CNTFR: variants seen among roughly 807,000 people sequenced by gnomAD.
CNTFR encodes the protein ciliary neurotrophic factor receptor, also known as ciliary neurotrophic factor receptor subunit alpha.
CNTFR carries 12 observed loss-of-function variants against 40.4 expected under a neutral mutation model. The observed-to-expected ratio is 0.30, with a 90% confidence interval of 0.19 to 0.48. CNTFR has a LOEUF of 0.48. Among genes scored for constraint, CNTFR ranks in the 20% least tolerant of loss-of-function variants. The pLI is 0.99. For missense variants in CNTFR, 414 were observed against 506.8 expected (o/e 0.82, Z 1.76); for synonymous variants, 202 against 209.6 (o/e 0.96, Z 0.31).
chr9:34,581,563 G>T (rs1441361726), intron 1 of CNTFR, among the ~76,000 whole-genome samples: 1 of 152,176 alleles, frequency 6.6e-6, no homozygotes, highest in Non-Finnish European at 1.5e-5. Context: ...AGGGTCACAG[G>T]CACGGTGTAA....
rs141927120 is a variant in CNTFR, at chr9:34,583,145, C to T, written c.-111-1940G>A. 2.9e-3 allele frequency among the ~76,000 whole-genome samples: 443 copies of T among 152,274 alleles called. 3 individuals carry two copies. Among genetic ancestry groups the T allele is most frequent in the African/African-American group, 9.2e-3 (384 of 41,542 alleles). ...CCCCCATAAACCCTATGGTCCCCTCCATCCTCACCTGCTGTCCTCTAGGAG... is the reference window on the plus strand; with the variant it reads ...CCCCCATAAACCCTATGGTCCCCTCTATCCTCACCTGCTGTCCTCTAGGAG... On this transcript the variant is annotated intron_variant, in intron 1 of 9. Transcript: ENST00000378980.
rs545527980 is a variant in CNTFR, at chr9:34,551,716, G to C, written c.*355C>G. ...GGCAACAGAGACCCTGGGATAGACA[G>C]GAGGCTGGGGCAGGAGGAGAAATCG... On this transcript the variant is annotated 3_prime_UTR_variant, in exon 10 of 10. Transcript: ENST00000378980. 4.1e-5 allele frequency: 20 copies of C among 485,104 alleles called. No homozygotes were observed. Among genetic ancestry groups the C allele is most frequent in the African/African-American group, 3.9e-4 (20 of 51,290 alleles). The allele number at this position is 485,104 out of a possible 1,614,324, so 30.0% of individuals were successfully genotyped here.
At chr9:34,585,435 T>C (rs1827497875) in intron 1 of CNTFR, among the ~76,000 whole-genome samples, 1 of 152,152 alleles carries the variant, frequency 6.6e-6, no homozygotes, top group Non-Finnish European at 1.5e-5. Flanking sequence ...CATAGTTTAA[T>C]TTCAGTTCCT....
intron 4 of CNTFR, among the ~76,000 whole-genome samples, chr9:34,561,133 G>A (rs553429619): frequency 1.4e-4 from 21 of 152,228 alleles, no homozygotes; most frequent in Non-Finnish European, 1.6e-4. Context: ...GCCTTATCTC[G>A]TGGCATCCCT....
At chr9:34,562,655 C>A (rs1383449481) in intron 4 of CNTFR, among the ~76,000 whole-genome samples, 1 of 152,240 alleles carries the variant, frequency 6.6e-6, no homozygotes, top group Non-Finnish European at 1.5e-5. Flanking sequence ...AAGGAGACGA[C>A]TTTTGGGCAG....
At chr9:34,590,759 A>T (rs968746789), upstream of CNTFR, among the ~76,000 whole-genome samples, 9 of 152,280 alleles carry the variant, frequency 5.9e-5, no homozygotes, top group East Asian at 1.7e-3. Context: ...TGTTCACTGC[A>T]CTCGTCCCTG....
At chr9:34,558,016 C>T (rs1825920122) in intron 4 of CNTFR, 32 bp from the exon 5 acceptor site, 1 of 1,462,304 alleles carries the variant, frequency 6.8e-7, no homozygotes, top group Non-Finnish European at 9.2e-7. Flanking sequence ...TCAGGGCATT[C>T]TTGGAGCTCC....
At position 34,582,046 on chromosome 9, in the gene CNTFR, G is replaced by A. The variant is rs1350523237; in HGVS notation, c.-111-841C>T. On this transcript the variant is annotated intron_variant, in intron 1 of 9. Coordinates refer to ENST00000378980, the MANE Select transcript of CNTFR (RefSeq NM_147164.3). ...CCCAGCACTTTGGGAGGCTGAAGCA[G>A]GTGGATCACCTGAGCTTAGGAGTTC... Among the ~76,000 whole-genome samples the A allele has an allele frequency of 2.6e-5, 4 of 152,270 alleles. No individual in the cohort carries two copies. In the South Asian group the frequency reaches 8.3e-4, roughly 32 times the overall value.
In CNTFR at chr9:34,556,239, C is replaced by CG; in HGVS notation, c.768+15dup. 1 of 1,607,720 alleles carries CG rather than the reference C, an allele frequency of 6.2e-7. No individual in the cohort carries two copies. The highest frequency in any genetic ancestry group is 1.1e-5 in the South Asian group (1 of 89,924). Reference sequence around the variant, plus strand: ...TAACTCAGGCACCCAGGATCTTGGCCGGGCAGGGCACTCACATGCTGCCAC... The same window carrying CG: ...TAACTCAGGCACCCAGGATCTTGGCCGGGGCAGGGCACTCACATGCTGCCAC... On this transcript the variant is annotated intron_variant, in intron 7 of 9. Coordinates refer to ENST00000378980, the MANE Select transcript of CNTFR (RefSeq NM_147164.3).
intron 1 of CNTFR, among the ~76,000 whole-genome samples, chr9:34,582,015 T>G (rs1248186513): frequency 6.6e-6 from 1 of 152,194 alleles, no homozygotes; most frequent in Non-Finnish European, 1.5e-5. Flanking sequence ...GGCTCACACC[T>G]GTAATCCCAG....
At position 34,552,690 on chromosome 9, in the gene CNTFR, C is replaced by T. The variant is rs747993586; in HGVS notation, c.933G>A (p.Thr311=). The T allele has an allele frequency of 3.7e-5, 59 of 1,613,302 alleles. No individual in the cohort carries two copies. The highest frequency in any genetic ancestry group is 4.1e-5 in the Non-Finnish European group (48 of 1,179,942). The change falls in exon 8 of 10, where the codon ACG becomes ACA. Residue 311 remains threonine (T), a synonymous_variant. Transcript: ENST00000378980. This position sits in a 1 kb window ranked among gnomAD's most constrained non-coding sequence, Gnocchi z 5.1. ...CAAGCTCACCCGCAGCCTGGGCCTC[C>T]GTGGTGAGGTGTCGCGGTTCCTCAG... ...PWTEEPRHLT[T]EAQAAETTTS...
chr9:34,552,741 G>A lies in CNTFR; in HGVS notation c.882C>T (p.Ser294=), dbSNP rs769848800. 8.7e-6 allele frequency: 14 copies of A among 1,613,826 alleles called. No individual in the cohort carries two copies. Among genetic ancestry groups the A allele is most frequent in the Non-Finnish European group, 1.2e-5 (14 of 1,179,950 alleles). The stretch of plus-strand genomic sequence containing the variant: ...TCCAGGGCGTAGCGTGGGCGGCTAC[G>A]CTCCAGTCACTCCATGTCCCAATCT... ...DNEIGTWSDW[S]VAAHATPWTE... is the part of the protein sequence containing the mutation. The change falls in exon 8 of 10, where the codon AGC becomes AGT. Residue 294 remains serine (S), a synonymous_variant. Transcript: ENST00000378980. The surrounding 1 kb of genome is among the most constrained non-coding windows in gnomAD (Gnocchi z 5.1).
chr9:34,555,890 A>G (rs1243084598), intron 7 of CNTFR, among the ~76,000 whole-genome samples: 1 of 137,674 alleles, frequency 7.3e-6, no homozygotes, highest in Non-Finnish European at 1.6e-5. Context: ...CCTGCCCGCC[A>G]TCTCCCTCCC....
At position 34,557,460 on chromosome 9, in the gene CNTFR, A is replaced by G; in HGVS notation, c.604+66T>C. ...GTGCATGCATGTGGACATCCCCACC[A>G]ATGGCACACATCCACTTACATTCCC... On this transcript the variant is annotated intron_variant, in intron 6 of 9. Transcript: ENST00000378980. The surrounding 1 kb of genome is among the most constrained non-coding windows in gnomAD (Gnocchi z 4.2). 1 of 1,564,252 alleles carries G rather than the reference A, an allele frequency of 6.4e-7. No individual in the cohort carries two copies. The highest frequency in any genetic ancestry group is 1.7e-4 in the Middle Eastern group (1 of 5,892).
chr9:34,588,745 G>C (rs1827649532), intron 1 of CNTFR, among the ~76,000 whole-genome samples: 1 of 152,238 alleles, frequency 6.6e-6, no homozygotes, highest in Admixed American at 6.5e-5. Context: ...CGCTGGAGGA[G>C]AGGCTCGGGA....
chr9:34,568,125 T>A (rs1428859411), intron 3 of CNTFR: 1 of 152,238 alleles, frequency 6.6e-6, no homozygotes, highest in Non-Finnish European at 1.5e-5. Context: ...GTGGGAATCA[T>A]GCAGGCAGGG....
intron 3 of CNTFR, 128 bp downstream of exon 3, chr9:34,568,769 C>A: frequency 1.3e-6 from 1 of 792,366 alleles, no homozygotes; most frequent in Non-Finnish European, 2.1e-6. Flanking sequence ...CTCCATGTCC[C>A]TCTGGGTGGT....
At position 34,557,420 on chromosome 9, in the gene CNTFR, A is replaced by C. The variant is rs1360819661; in HGVS notation, c.604+106T>G. The stretch of plus-strand genomic sequence containing the variant: ...TACATACCTGTGCAGAGGCATGTAC[A>C]TGCCATGTATACATGTGCATGCATG... On this transcript the variant is annotated intron_variant, in intron 6 of 9. Transcript: ENST00000378980. The surrounding 1 kb of genome is among the most constrained non-coding windows in gnomAD (Gnocchi z 4.2). The C allele has an allele frequency of 3.9e-6, 5 of 1,280,118 alleles. No individual in the cohort carries two copies. The highest frequency in any genetic ancestry group is 2.9e-5 in the African/African-American group (2 of 68,126). 79.3% of individuals were successfully genotyped at this position (1,280,118 alleles called of 1,614,324 possible).
chr9:34,576,251 G>GT (rs2132226221), intron 2 of CNTFR, among the ~76,000 whole-genome samples: 1 of 152,230 alleles, frequency 6.6e-6, no homozygotes, highest in African/African-American at 2.4e-5. Flanking sequence ...CCACAGCCCC[G>GT]TACACGCTGG....
Sources: gnomAD v4.1 joint callset for allele counts (sites outside exome capture counted in the v4.1 genomes callset) on GRCh38, gnomAD v4.1.1 for gene constraint, Gnocchi (gnomAD v3.1) non-coding constraint, MANE v1.5 for transcripts, NCBI Gene and HGNC (gene_info 2026-07-23, HGNC 2026-07-21) for gene names.